NAALADL2: variants seen among roughly 807,000 people sequenced by gnomAD.
NAALADL2 encodes N-acetylated alpha-linked acidic dipeptidase like 2.
Under a neutral mutation model 87.2 loss-of-function variants are expected in NAALADL2, and 76 were observed. That is an observed-to-expected ratio of 0.87 (90% CI 0.72 to 1.05). NAALADL2 has a LOEUF of 1.05. Ranked by LOEUF, NAALADL2 falls within the 50% of genes least tolerant of loss-of-function variation. The probability of loss-of-function intolerance (pLI) is 0.00; values close to 1 mark genes in which losing one functional copy is unlikely to be tolerated. For synonymous variants in NAALADL2, 354 were observed against 331.0 expected, an observed-to-expected ratio of 1.07 and a Z score of -0.75; for missense variants, 1,089 against 945.8, an observed-to-expected ratio of 1.15 and a Z score of -1.99.
At chr3:175,734,755 T>G (rs977227047) in intron 11 of NAALADL2, among the ~76,000 whole-genome samples, 3 of 152,166 alleles carry the variant, frequency 2.0e-5, no homozygotes, top group Non-Finnish European at 4.4e-5. Flanking sequence ...GTCCCAAGAC[T>G]GCACACAGCA....
At chr3:175,229,202 G>A (rs1217153678) in intron 2 of NAALADL2, among the ~76,000 whole-genome samples, 1 of 151,466 alleles carries the variant, frequency 6.6e-6, no homozygotes, top group East Asian at 1.9e-4. Flanking sequence ...GTCATAGCCT[G>A]TGTAGTAAAA....
chr3:174,455,081 A>G (rs751518071), intron 1 of NAALADL2, among the ~76,000 whole-genome samples: 5 of 152,158 alleles, frequency 3.3e-5, no homozygotes, highest in East Asian at 1.9e-4. Flanking sequence ...ACAAATAACC[A>G]CCAGAGAATA....
At position 175,480,185 on chromosome 3, in the gene NAALADL2, G is replaced by T. The variant is rs138700826; in HGVS notation, c.1653+8427G>T. Among the ~76,000 whole-genome samples, 334 of 151,802 alleles carry T rather than the reference G, an allele frequency of 2.2e-3. 1 individual carries two copies. The highest frequency in any genetic ancestry group is 7.6e-3 in the African/African-American group (316 of 41,486). ...TAGGCTAAGAGCTTTCATATTTATA[G>T]TTTATCTATATTGTGCCTTAACAAA... is the stretch of plus-strand genomic sequence containing the variant. On this transcript the variant is annotated intron_variant, in intron 9 of 13. Transcript: ENST00000454872.
intron 1 of NAALADL2, among the ~76,000 whole-genome samples, chr3:174,892,132 C>T (rs183895360): frequency 9.2e-5 from 14 of 152,194 alleles, no homozygotes; most frequent in Admixed American, 2.6e-4. Flanking sequence ...GTAAAGACTA[C>T]GATAAATACC....
At chr3:175,146,064 T>G (rs577741938) in intron 2 of NAALADL2, among the ~76,000 whole-genome samples, 2 of 152,248 alleles carry the variant, frequency 1.3e-5, no homozygotes, top group East Asian at 3.9e-4. Flanking sequence ...ACATACTGTA[T>G]TTGGTAATAA....
chr3:174,960,654 A>C (rs969834714), intron 1 of NAALADL2, among the ~76,000 whole-genome samples: 1 of 152,092 alleles, frequency 6.6e-6, no homozygotes, highest in Non-Finnish European at 1.5e-5. Context: ...TATAGGCAGA[A>C]GTTTGGAAAC....
At chr3:175,215,275 G>T (rs1233737597) in intron 2 of NAALADL2, among the ~76,000 whole-genome samples, 2 of 152,106 alleles carry the variant, frequency 1.3e-5, no homozygotes, top group Non-Finnish European at 2.9e-5. Context: ...AAAAATCAGA[G>T]AAATATCACC....
At chr3:175,103,925 T>C (rs1349215623) in intron 2 of NAALADL2, among the ~76,000 whole-genome samples, 1 of 152,118 alleles carries the variant, frequency 6.6e-6, no homozygotes, top group East Asian at 1.9e-4. Context: ...AAACAAAATA[T>C]ATATAATTTA....
chr3:174,571,216 T>C (rs766216617), intron 2 of NAALADL2, among the ~76,000 whole-genome samples: 1 of 152,146 alleles, frequency 6.6e-6, no homozygotes, highest in Non-Finnish European at 1.5e-5. Context: ...TGAAACAACT[T>C]GTTAATATTA....
At chr3:175,219,963 G>A (rs1191437173) in intron 2 of NAALADL2, among the ~76,000 whole-genome samples, 2 of 125,890 alleles carry the variant, frequency 1.6e-5, no homozygotes, top group African/African-American at 6.2e-5. Flanking sequence ...TTTTCTAATT[G>A]TTTGTTATTT....
At chr3:175,802,551 A>C (rs1228027013) in intron 13 of NAALADL2, among the ~76,000 whole-genome samples, 2 of 147,204 alleles carry the variant, frequency 1.4e-5, no homozygotes, top group Admixed American at 6.6e-5. Context: ...TTCCCCCTGC[A>C]TTATATATTG....
intron 3 of NAALADL2, among the ~76,000 whole-genome samples, chr3:174,808,229 A>G (rs1719730104): frequency 6.6e-6 from 1 of 152,052 alleles, no homozygotes; most frequent in Admixed American, 6.6e-5. Flanking sequence ...TAAATAAAAT[A>G]TGAATTCCTT....
At chr3:174,655,968 A>G (rs1022183498) in intron 2 of NAALADL2, among the ~76,000 whole-genome samples, 1 of 152,174 alleles carries the variant, frequency 6.6e-6, no homozygotes, top group Admixed American at 6.5e-5. Context: ...TATCATAGCT[A>G]TTTATGTATC....
At chr3:175,155,445 C>T (rs142530620) in intron 2 of NAALADL2, among the ~76,000 whole-genome samples, 142 of 152,120 alleles carry the variant, frequency 9.3e-4, no homozygotes, top group Middle Eastern at 3.4e-3. Context: ...AGCTACAGAG[C>T]CTTCACCACA....
intron 3 of NAALADL2, among the ~76,000 whole-genome samples, chr3:174,739,558 T>A (rs1010265723): frequency 1.8e-4 from 27 of 152,104 alleles, no homozygotes; most frequent in African/African-American, 6.5e-4. Flanking sequence ...TCAAGTGTGA[T>A]CATTTTGAGA....
intron 4 of NAALADL2, among the ~76,000 whole-genome samples, chr3:175,301,927 G>A (rs1266985198): frequency 2.0e-5 from 3 of 152,136 alleles, no homozygotes; most frequent in African/African-American, 7.2e-5. Flanking sequence ...TGGGGACACC[G>A]TTAACTAATT....
At chr3:174,672,285 C>T (rs543715860) in intron 2 of NAALADL2, among the ~76,000 whole-genome samples, 12 of 152,048 alleles carry the variant, frequency 7.9e-5, no homozygotes, top group African/African-American at 2.9e-4. Flanking sequence ...GAAACAAATT[C>T]GTGTTTGGCT....
chr3:174,564,811 T>A (rs1714045153), intron 2 of NAALADL2, among the ~76,000 whole-genome samples: 1 of 152,090 alleles, frequency 6.6e-6, no homozygotes, highest in Non-Finnish European at 1.5e-5. Flanking sequence ...ATTTCAGATT[T>A]CCTTTGGTTT....
In NAALADL2 at chr3:175,794,794, A is replaced by G. The variant is rs762243906; in HGVS notation, c.2190-8211A>G. Among the ~76,000 whole-genome samples the G allele has an allele frequency of 3.9e-5, 6 of 152,328 alleles. No individual in the cohort carries two copies. The South Asian group carries it at 8.3e-4, about 21-fold the overall frequency. On this transcript the variant is annotated intron_variant, in intron 13 of 13. Transcript: ENST00000454872. Reference sequence around the variant, plus strand: ...TCAAGATGATAATTCATATTTAAAAAAATTATGCTGTGATGGTTTTCATAG... The same window carrying G: ...TCAAGATGATAATTCATATTTAAAAGAATTATGCTGTGATGGTTTTCATAG...
Sources: allele counts gnomAD v4.1 joint callset (sites outside exome capture counted in the v4.1 genomes callset), GRCh38; gene constraint gnomAD v4.1.1; transcripts MANE v1.5; gene names NCBI Gene and HGNC (gene_info 2026-07-23, HGNC 2026-07-21).